The following STX3 variants were observed in gnomAD, a reference collection of about 807,000 sequenced individuals.
STX3 encodes the protein syntaxin-3.
A neutral mutation model predicts 40.2 loss-of-function variants in STX3; 19 were observed. The ratio of observed to expected loss-of-function variants is 0.47; its 90% CI spans 0.33 to 0.69. STX3 has a LOEUF of 0.69. STX3 is among the 30% of genes least tolerant of loss of function. The pLI is 0.02. For missense variants in STX3, 364 were observed against 366.7 expected, an observed-to-expected ratio of 0.99 and a Z score of 0.06; for synonymous variants, 122 against 132.2, an observed-to-expected ratio of 0.92 and a Z score of 0.53.
At chr11:59,776,765 C>T (rs931462057) in intron 2 of STX3, among the ~76,000 whole-genome samples, 1 of 152,196 alleles carries the variant, frequency 6.6e-6, no homozygotes. Context: ...TGTATCTTCT[C>T]TAGCTTCTTG....
Position 59,802,252 on chromosome 11 carries a change from G to A in STX3, c.*1428G>A, listed in dbSNP as rs1347611075. The A allele has an allele frequency of 3.0e-6, 3 of 985,374 alleles. No homozygotes were observed. The highest frequency in any genetic ancestry group is 1.7e-5 in the African/African-American group (1 of 57,236). 61.0% of individuals were successfully genotyped at this position (985,374 alleles called of 1,614,324 possible). The stretch of plus-strand genomic sequence containing the variant: ...TATCATGGAAACAGCAGCAGCAGCC[G>A]CTAGGAAATCTTCAAGTGTAGTGTC... On this transcript the variant is annotated 3_prime_UTR_variant, in exon 11 of 11. Transcript: ENST00000337979.
intron 4 of STX3, 64 bp downstream of exon 4, chr11:59,789,011 C>T: frequency 1.4e-6 from 2 of 1,456,602 alleles, no homozygotes; most frequent in Non-Finnish European, 1.9e-6. Context: ...CCCCTAGGGT[C>T]CAGCTTTCCG....
At chr11:59,777,599 A>C (rs987694820) in intron 2 of STX3, among the ~76,000 whole-genome samples, 4 of 151,990 alleles carry the variant, frequency 2.6e-5, no homozygotes, top group African/African-American at 9.7e-5. Context: ...CTTAAGCAAC[A>C]AAGATATGTA....
chr11:59,770,585 A>G (rs931417196), intron 1 of STX3, among the ~76,000 whole-genome samples: 5 of 152,030 alleles, frequency 3.3e-5, no homozygotes, highest in African/African-American at 9.7e-5. Flanking sequence ...GAGGGGCCTG[A>G]GAGTTGATGA....
chr11:59,776,002 C>G (rs1183027442), intron 2 of STX3, among the ~76,000 whole-genome samples: 4 of 152,186 alleles, frequency 2.6e-5, no homozygotes, highest in Admixed American at 1.3e-4. Context: ...GTGGGTTTAT[C>G]TGTAAACTGG....
rs1438096580 is a variant in STX3, at chr11:59,755,605, G to C, written c.-1G>C. ...CTGCCTCCGGGCGCCTGGGCTTCAG[G>C]ATGAAGGACCGTCTGGAGCAGCTGA... is the stretch of plus-strand genomic sequence containing the variant. On this transcript the variant is annotated 5_prime_UTR_variant, in exon 1 of 11. Transcript: ENST00000337979. The C allele has an allele frequency of 6.3e-7, 1 of 1,594,122 alleles. No individual in the cohort carries two copies. Among genetic ancestry groups the C allele is most frequent in the African/African-American group, 1.3e-5 (1 of 74,136 alleles).
rs761755617 is a variant in STX3, at chr11:59,797,299, T to C, written c.803T>C (p.Ile268Thr). The change falls in exon 10 of 11, where the codon ATT (isoleucine) becomes ACT (threonine). Residue 268 changes from isoleucine (I) to threonine (T), a missense_variant. Transcript: ENST00000337979. ...TCTCTCCAGAAATTGATAATTATCA[T>C]TGTGCTAGTAGTTGTGTTGCTGGGC... ...SQARKKLIII[I>T]VLVVVLLGIL... 2 of 1,613,744 alleles carry C rather than the reference T, an allele frequency of 1.2e-6. No individual in the cohort carries two copies. Among genetic ancestry groups the C allele is most frequent in the Non-Finnish European group, 1.7e-6 (2 of 1,179,660 alleles).
At chr11:59,795,537 C>G in intron 9 of STX3, 55 bp downstream of exon 9, 2 of 1,562,190 alleles carry the variant, frequency 1.3e-6, no homozygotes, top group Non-Finnish European at 1.7e-6. Context: ...TGCTGTGTCT[C>G]GCTCTTTCTC....
At chr11:59,762,787 A>C (rs925209545) in intron 1 of STX3, among the ~76,000 whole-genome samples, 1 of 152,158 alleles carries the variant, frequency 6.6e-6, no homozygotes, top group African/African-American at 2.4e-5. Context: ...CAGGAGGAAG[A>C]AGAAGGCCTT....
intron 2 of STX3, among the ~76,000 whole-genome samples, chr11:59,778,520 A>G (rs1227667666): frequency 6.6e-6 from 1 of 152,100 alleles, no homozygotes; most frequent in Non-Finnish European, 1.5e-5. Context: ...TACCCAAACA[A>G]AGTCAGATTT....
intron 2 of STX3, chr11:59,781,214 A>C (rs1472902925): frequency 3.9e-6 from 3 of 771,474 alleles, no homozygotes; most frequent in Non-Finnish European, 6.2e-6. Flanking sequence ...TGAACACAGT[A>C]ATGAAAAAAA....
At chr11:59,772,101 G>A (rs1348577663) in intron 1 of STX3, among the ~76,000 whole-genome samples, 1 of 152,202 alleles carries the variant, frequency 6.6e-6, no homozygotes, top group Non-Finnish European at 1.5e-5. Context: ...GGCTTCTGGT[G>A]GCATTCATTG....
In STX3 at chr11:59,804,056, A is replaced by T. The variant is rs1865994382; in HGVS notation, c.*3232A>T. The stretch of plus-strand genomic sequence containing the variant: ...GACAGGGAGTACAGATACATAGCTG[A>T]TTAGGCAGATGGTTTAAAGGAGGAC... On this transcript the variant is annotated 3_prime_UTR_variant, in exon 11 of 11. Coordinates refer to ENST00000337979, the MANE Select transcript of STX3 (RefSeq NM_004177.5). 1 of 152,420 alleles carries T rather than the reference A, an allele frequency of 6.6e-6. No homozygotes were observed. The highest frequency in any genetic ancestry group is 2.4e-5 in the African/African-American group (1 of 41,466). The allele number at this position is 152,420 out of a possible 1,614,324, so 9.4% of individuals were successfully genotyped here.
rs117818085 is a variant in STX3, at chr11:59,766,268, C to G, written c.31-6943C>G. 3.2e-3 allele frequency among the ~76,000 whole-genome samples: 485 copies of G among 152,284 alleles called. 2 individuals carry two copies. Among genetic ancestry groups the G allele is most frequent in the Non-Finnish European group, 4.5e-3 (303 of 68,020 alleles). ...ATTTGTAAACATTCTTAAGGAGATA[C>G]TGATGATTTAAACTTACGTTGCAGA... On this transcript the variant is annotated intron_variant, in intron 1 of 10. Transcript: ENST00000337979.
intron 3 of STX3, 93 bp from the exon 4 acceptor site, chr11:59,788,780 T>C: frequency 9.2e-7 from 1 of 1,084,088 alleles, no homozygotes; most frequent in South Asian, 1.4e-5. Context: ...GGATGCCCGA[T>C]AAAGCTCCCC....
chr11:59,789,964 T>C (rs1865019130), intron 4 of STX3, among the ~76,000 whole-genome samples: 1 of 152,154 alleles, frequency 6.6e-6, no homozygotes, highest in African/African-American at 2.4e-5. Flanking sequence ...TCTTGCCCAG[T>C]GTATTTGGTG....
intron 1 of STX3, 48 bp downstream of exon 1, chr11:59,755,683 G>A: frequency 6.4e-7 from 1 of 1,562,616 alleles, no homozygotes; most frequent in Non-Finnish European, 8.6e-7. Flanking sequence ...TGCTGCATGG[G>A]AGAGGGGCTT....
At chr11:59,796,271 A>T (rs1048814884) in intron 9 of STX3, among the ~76,000 whole-genome samples, 1 of 152,152 alleles carries the variant, frequency 6.6e-6, no homozygotes, top group Non-Finnish European at 1.5e-5. Context: ...TCAGATCCCA[A>T]TCATTCTGTT....
chr11:59,788,754 TA>T, intron 3 of STX3, 118 bp from the exon 4 acceptor site: 2 of 744,384 alleles, frequency 2.7e-6, no homozygotes, highest in Non-Finnish European at 4.4e-6. Context: ...TAGGGATAAA[TA>T]CCATTCTGGG....
Sources: allele counts gnomAD v4.1 joint callset (sites outside exome capture counted in the v4.1 genomes callset), GRCh38; gene constraint gnomAD v4.1.1; transcripts MANE v1.5; gene names NCBI Gene and HGNC (gene_info 2026-07-23, HGNC 2026-07-21).